MALRD1: variants seen among roughly 807,000 people sequenced by gnomAD.
The protein encoded by MALRD1 is MAM and LDL-receptor class A domain-containing protein 1.
In MALRD1, 247 loss-of-function variants were observed where a neutral mutation model predicts 242.1. The observed-to-expected ratio is 1.02, with a 90% CI of 0.92 to 1.13. The LOEUF (loss-of-function observed/expected upper bound fraction) is 1.13. Among genes scored for constraint, MALRD1 ranks in the 50% most tolerant of loss-of-function variants. The pLI is 0.00. For missense variants in MALRD1, 2,989 were observed against 2,533.1 expected, an observed-to-expected ratio of 1.18 and a Z score of -3.86; for synonymous variants, 995 against 866.6, an observed-to-expected ratio of 1.15 and a Z score of -2.60.
At chr10:19,212,807 C>A (rs975516344) in intron 18 of MALRD1, among the ~76,000 whole-genome samples, 1 of 152,088 alleles carries the variant, frequency 6.6e-6, no homozygotes, top group Non-Finnish European at 1.5e-5. Flanking sequence ...AGTGGCGTCT[C>A]GTTTTGGTTT....
chr10:19,403,563 A>G (rs1846959755), intron 28 of MALRD1, among the ~76,000 whole-genome samples: 1 of 152,132 alleles, frequency 6.6e-6, no homozygotes, highest in African/African-American at 2.4e-5. Flanking sequence ...TCTGAGTGCT[A>G]GCAATTGAAG....
At chr10:19,440,800 A>C (rs537417093) in intron 28 of MALRD1, among the ~76,000 whole-genome samples, 26 of 152,276 alleles carry the variant, frequency 1.7e-4, no homozygotes, top group Non-Finnish European at 3.8e-4. Context: ...GCCGCAATAA[A>C]CATACGTGTG....
chr10:19,621,771 T>C (rs1034762274), intron 36 of MALRD1, among the ~76,000 whole-genome samples: 19 of 151,730 alleles, frequency 1.3e-4, no homozygotes, highest in African/African-American at 4.3e-4. Context: ...AAAACTCTAA[T>C]GTATATCGTG....
Position 19,209,405 on chromosome 10 carries a change from A to G in MALRD1, c.2716A>G (p.Thr906Ala), listed in dbSNP as rs1029285025. ...GCCAATGAAAGATAACACTCTGGGCACAGCTAAAGGACACTATCTCTACAT... is the reference window on the plus strand; with the variant it reads ...GCCAATGAAAGATAACACTCTGGGCGCAGCTAAAGGACACTATCTCTACAT... Reference protein sequence around the residue: ...TGPMKDNTLGTAKGHYLYIES... With the variant: ...TGPMKDNTLGAAKGHYLYIES... The change falls in exon 18 of 40, where the codon ACA becomes GCA. Residue 906 changes from threonine to alanine, a missense_variant. Physicochemically the swap from Thr to Ala is moderately conservative, Grantham distance 58. Coordinates refer to ENST00000454679, the MANE Select transcript of MALRD1 (RefSeq NM_001142308.3). 26 of 1,551,102 alleles carry G rather than the reference A, an allele frequency of 1.7e-5. No individual in the cohort carries two copies. The East Asian group carries it at 6.4e-4, about 38-fold the overall frequency.
At chr10:19,615,952 T>A in intron 36 of MALRD1, 29 bp downstream of exon 36, 1 of 1,133,288 alleles carries the variant, frequency 8.8e-7, no homozygotes, top group Non-Finnish European at 1.3e-6. Context: ...TTTTTTTTTT[T>A]AAGATTTTTT....
chr10:19,602,279 C>G (rs894258420), intron 34 of MALRD1, among the ~76,000 whole-genome samples: 1 of 147,024 alleles, frequency 6.8e-6, no homozygotes, highest in African/African-American at 2.5e-5. Context: ...ATGCGCCATG[C>G]TGGTGTGCTG....
chr10:19,323,865 C>T (rs1843002881), intron 21 of MALRD1, 84 bp from the exon 22 acceptor site: 5 of 1,300,340 alleles, frequency 3.8e-6, no homozygotes, highest in Admixed American at 4.3e-5. Flanking sequence ...CCTGCCTCAG[C>T]CTCCCAAATT....
chr10:19,515,591 G>A (rs1304257033), intron 31 of MALRD1, among the ~76,000 whole-genome samples: 6 of 150,908 alleles, frequency 4.0e-5, no homozygotes, highest in Non-Finnish European at 7.4e-5. Flanking sequence ...ACAGAGTCTC[G>A]CTCTGTTGCC....
Position 19,730,786 on chromosome 10 carries a change from G to A in MALRD1, c.6390+5G>A. On this transcript the variant is annotated splice_donor_5th_base_variant and intron_variant, in intron 39 of 39. Coordinates refer to ENST00000454679, the MANE Select transcript of MALRD1 (RefSeq NM_001142308.3). Reference sequence around the variant, plus strand: ...AGCAACCCAGAGAAAACAGAGGTAAGTGGCAAGGGTGAACTATATCTTTTC... The same window carrying A: ...AGCAACCCAGAGAAAACAGAGGTAAATGGCAAGGGTGAACTATATCTTTTC... 2.0e-6 allele frequency: 3 copies of A among 1,536,204 alleles called. No homozygotes were observed. The highest frequency in any genetic ancestry group is 2.6e-6 in the Non-Finnish European group (3 of 1,146,658).
At chr10:19,324,237 G>GAAGT in intron 22 of MALRD1, 132 bp downstream of exon 22, 1 of 844,840 alleles carries the variant, frequency 1.2e-6, no homozygotes, top group Non-Finnish European at 1.8e-6. Flanking sequence ...GATTTATAGT[G>GAAGT]GTATATGGAG....
At chr10:19,315,659 TTA>T (rs1461519091) in intron 21 of MALRD1, among the ~76,000 whole-genome samples, 1 of 129,944 alleles carries the variant, frequency 7.7e-6, no homozygotes, top group Non-Finnish European at 1.6e-5. Flanking sequence ...TAAATATTAT[TTA>T]TATGACTATA....
chr10:19,376,677 T>A (rs1167919672), intron 26 of MALRD1, among the ~76,000 whole-genome samples: 1 of 148,708 alleles, frequency 6.7e-6, no homozygotes, highest in Non-Finnish European at 1.5e-5. Flanking sequence ...TGCCTCAGCC[T>A]CCCGAGTAGC....
intron 18 of MALRD1, among the ~76,000 whole-genome samples, chr10:19,216,055 G>A (rs1170719101): frequency 1.3e-5 from 2 of 150,892 alleles, no homozygotes; most frequent in Non-Finnish European, 2.9e-5. Flanking sequence ...TGAAAAATAA[G>A]AGTAGCTTCT....
At chr10:19,623,696 T>A (rs1268609158) in intron 36 of MALRD1, among the ~76,000 whole-genome samples, 2 of 152,140 alleles carry the variant, frequency 1.3e-5, no homozygotes, top group Non-Finnish European at 2.9e-5. Flanking sequence ...GGTTGTCCCA[T>A]CTCAAGAAGG....
At chr10:19,701,482 T>C (rs1833623322) in intron 38 of MALRD1, among the ~76,000 whole-genome samples, 1 of 152,096 alleles carries the variant, frequency 6.6e-6, no homozygotes, top group Admixed American at 6.6e-5. Flanking sequence ...TCATATGTCC[T>C]TTTCTTTATC....
chr10:19,160,920 G>A (rs1367542726), intron 12 of MALRD1, among the ~76,000 whole-genome samples: 2 of 148,836 alleles, frequency 1.3e-5, no homozygotes, highest in East Asian at 4.0e-4. Context: ...CCAGCTCCTG[G>A]ATTCATTGAT....
chr10:19,377,801 A>G (rs1156641067), intron 26 of MALRD1, among the ~76,000 whole-genome samples: 1 of 152,128 alleles, frequency 6.6e-6, no homozygotes, highest in African/African-American at 2.4e-5. Context: ...CATTGCCAGT[A>G]TTCTATAAGC....
chr10:19,069,613 A>C (rs1835080363), intron 2 of MALRD1, among the ~76,000 whole-genome samples: 1 of 151,748 alleles, frequency 6.6e-6, no homozygotes, highest in South Asian at 2.1e-4. Flanking sequence ...TCCCCCTGAA[A>C]ATGTTTTTAT....
intron 2 of MALRD1, among the ~76,000 whole-genome samples, chr10:19,067,183 T>C (rs1221669057): frequency 6.6e-6 from 1 of 152,138 alleles, no homozygotes; most frequent in Non-Finnish European, 1.5e-5. Context: ...TTGTAAAACA[T>C]AAATGGGACA....
Sources: gnomAD v4.1 joint callset for allele counts (sites outside exome capture counted in the v4.1 genomes callset) on GRCh38, gnomAD v4.1.1 for gene constraint, MANE v1.5 for transcripts, NCBI Gene and HGNC (gene_info 2026-07-23, HGNC 2026-07-21) for gene names.